GSE1: variants seen among roughly 807,000 people sequenced by gnomAD.
The protein encoded by GSE1 is Gse1 coiled-coil protein.
GSE1 carries 32 observed loss-of-function variants against 112.6 expected under a neutral mutation model. The ratio of observed to expected loss-of-function variants is 0.28; its 90% CI spans 0.21 to 0.38. The LOEUF is 0.38. Ranked by LOEUF, GSE1 falls within the 10% of genes least tolerant of loss-of-function variation. The pLI is 1.00. For synonymous variants in GSE1, 1,115 were observed against 735.6 expected (o/e 1.52, Z -8.35); for missense variants, 2,348 against 1,699.2 (o/e 1.38, Z -6.71).
At chr16:85,177,273 C>A (rs1257729412) in intron 1 of GSE1, among the ~76,000 whole-genome samples, 1 of 152,248 alleles carries the variant, frequency 6.6e-6, no homozygotes, top group East Asian at 1.9e-4. Flanking sequence ...GTGAGGTTAA[C>A]TCTGCTGGGA....
intron 2 of GSE1, among the ~76,000 whole-genome samples, chr16:85,407,300 G>GGC (rs1555581067): frequency 4.7e-4 from 4 of 8,454 alleles, no homozygotes; most frequent in Non-Finnish European, 8.6e-4. Flanking sequence ...TTACACTCAG[G>GGC]CCCCCCGGAT....
intron 1 of GSE1, among the ~76,000 whole-genome samples, chr16:85,176,164 T>A (rs2074459775): frequency 6.6e-6 from 1 of 152,164 alleles, no homozygotes; most frequent in African/African-American, 2.4e-5. Context: ...AATTTTTTGT[T>A]GTTTTCTAGA....
intron 2 of GSE1, among the ~76,000 whole-genome samples, chr16:85,436,695 G>A (rs1260322692): frequency 2.0e-5 from 3 of 152,204 alleles, no homozygotes; most frequent in African/African-American, 4.8e-5. Flanking sequence ...CCCAAACCCC[G>A]AAGGGCCCGT....
At position 85,385,090 on chromosome 16, in the gene GSE1, C is replaced by G. The variant is rs142992928; in HGVS notation, c.2464+27447C>G. Among the ~76,000 whole-genome samples the G allele has an allele frequency of 7.9e-5, 12 of 152,376 alleles. No individual in the cohort carries two copies. In the East Asian group the frequency reaches 1.9e-3, roughly 25 times the overall value. ...CCCCGGGCCCTGTTGCTCCGCCAGT[C>G]AGGAGACAAGTCTGTTCTCGCCAAG... On this transcript the variant is annotated intron_variant, in intron 2 of 2. Transcript: ENST00000637419.
chr16:85,574,124 T>C (rs984545356), intron 1 of GSE1, among the ~76,000 whole-genome samples: 19 of 152,178 alleles, frequency 1.2e-4, no homozygotes, highest in Non-Finnish European at 2.4e-4. Context: ...TGAGTTTTTC[T>C]TGGAAGGCGT....
intron 1 of GSE1, among the ~76,000 whole-genome samples, chr16:85,246,508 C>CA (rs900797434): frequency 1.0e-5 from 1 of 100,420 alleles, no homozygotes; most frequent in South Asian, 4.0e-4. Flanking sequence ...ACACCCCCCC[C>CA]CCCCCGACGC....
At chr16:85,195,379 G>A (rs1415416353) in intron 1 of GSE1, among the ~76,000 whole-genome samples, 2 of 152,158 alleles carry the variant, frequency 1.3e-5, no homozygotes, top group African/African-American at 2.4e-5. Context: ...GGTGGGGGCC[G>A]TAACCCTGGC....
upstream of GSE1, among the ~76,000 whole-genome samples, chr16:85,611,942 C>A (rs985006627): frequency 1.3e-5 from 2 of 152,090 alleles, no homozygotes; most frequent in African/African-American, 4.8e-5. Context: ...CGGGCATGTC[C>A]CGGGGCAGGT....
In GSE1 at chr16:85,471,731, C is replaced by T. The variant is rs536960666; in HGVS notation, c.2464+114088C>T. ...ATTTATTTCTTAATTTACTTTTTTT[C>T]GATGATCTCGCTCTGTTGCCCAGGG... On this transcript the variant is annotated intron_variant, in intron 2 of 2. Transcript: ENST00000637419. Among the ~76,000 whole-genome samples the T allele has an allele frequency of 7.6e-4, 113 of 148,998 alleles. 2 individuals carry two copies. The highest frequency in any genetic ancestry group is 2.7e-3 in the African/African-American group (109 of 40,456).
At chr16:85,553,616 G>T (rs2045047495), upstream of GSE1, among the ~76,000 whole-genome samples, 1 of 152,002 alleles carries the variant, frequency 6.6e-6, no homozygotes, top group South Asian at 2.1e-4. Context: ...CCGGAGGAAG[G>T]CGGCCGCCAG....
intron 1 of GSE1, among the ~76,000 whole-genome samples, chr16:85,177,533 C>G (rs1232360379): frequency 6.6e-6 from 1 of 152,226 alleles, no homozygotes; most frequent in Non-Finnish European, 1.5e-5. Context: ...CATCCAGTTT[C>G]CCCATCCGTC....
chr16:85,383,083 C>T (rs1003226060), intron 2 of GSE1, among the ~76,000 whole-genome samples: 7 of 151,302 alleles, frequency 4.6e-5, no homozygotes. Flanking sequence ...GTAATCACAG[C>T]CTTAGTGCAC....
At chr16:85,332,789 C>T (rs1014357255) in intron 1 of GSE1, among the ~76,000 whole-genome samples, 1 of 152,170 alleles carries the variant, frequency 6.6e-6, no homozygotes, top group African/African-American at 2.4e-5. Flanking sequence ...CCCCCTCCAG[C>T]CTCTTCTCTC....
At chr16:85,512,647 ACAT>A (rs2051786810) in intron 2 of GSE1, among the ~76,000 whole-genome samples, 1 of 152,096 alleles carries the variant, frequency 6.6e-6, no homozygotes, top group South Asian at 2.1e-4. Flanking sequence ...CTTTATATAA[ACAT>A]CAATTACAGG....
intron 2 of GSE1, among the ~76,000 whole-genome samples, chr16:85,506,744 C>G (rs113200540): frequency 0.015 from 1,811 of 124,380 alleles, 25 homozygotes; most frequent in African/African-American, 0.036. Flanking sequence ...CACTGTCATT[C>G]ATTCATTCAT....
At chr16:85,667,287 C>T (rs1417061640) in intron 13 of GSE1, among the ~76,000 whole-genome samples, 2 of 151,394 alleles carry the variant, frequency 1.3e-5, no homozygotes, top group African/African-American at 2.5e-5. Context: ...AGATTTTAGT[C>T]ACTCTGCCAT....
chr16:85,585,765 T>A (rs2046664399), intron 1 of GSE1, among the ~76,000 whole-genome samples: 1 of 152,238 alleles, frequency 6.6e-6, no homozygotes, highest in Admixed American at 6.5e-5. Flanking sequence ...ATCATCCCAC[T>A]CTGAGAGCTT....
At chr16:85,669,032 C>A (rs1183435405) in intron 14 of GSE1, among the ~76,000 whole-genome samples, 1 of 152,274 alleles carries the variant, frequency 6.6e-6, no homozygotes, top group Non-Finnish European at 1.5e-5. Context: ...CAGCACCAGG[C>A]GGACTCAGGC....
intron 2 of GSE1, among the ~76,000 whole-genome samples, chr16:85,640,698 C>CT (rs1357671478): frequency 1.3e-5 from 2 of 152,252 alleles, no homozygotes; most frequent in Non-Finnish European, 2.9e-5. Flanking sequence ...GAGGCTCCCC[C>CT]TTTCTGCCGC....
Sources: gnomAD v4.1 joint callset for allele counts (sites outside exome capture counted in the v4.1 genomes callset) on GRCh38, gnomAD v4.1.1 for gene constraint, MANE v1.5 for transcripts, NCBI Gene and HGNC (gene_info 2026-07-23, HGNC 2026-07-21) for gene names.